The following RGS3 variants were observed in gnomAD, a reference collection of about 807,000 sequenced individuals.
RGS3 encodes the protein regulator of G-protein signalling 3.
RGS3 carries 80 observed loss-of-function variants against 132.6 expected under a neutral mutation model. The observed-to-expected ratio is 0.60, with a 90% CI of 0.50 to 0.73. The LOEUF (loss-of-function observed/expected upper bound fraction) is 0.73, where lower values mean the gene tolerates loss of function less well. RGS3 is among the 30% of genes least tolerant of loss of function. The pLI, the probability that RGS3 is intolerant of heterozygous loss-of-function variation, is 0.00. For missense variants in RGS3, 1,382 were observed against 1,530.8 expected (o/e 0.90, Z 1.62); for synonymous variants, 598 against 620.6 (o/e 0.96, Z 0.54).
At position 113,507,314 on chromosome 9, in the gene RGS3, C is replaced by G; in HGVS notation, c.1113C>G (p.Leu371=). ...GCTGCCCCAGTGAGATCATCCTACT[C>G]GTGTGGCGCATGGTCCCCCAGGTCA... The change falls in exon 13 of 25, where the codon CTC becomes CTG. Residue 371 remains leucine (L), a synonymous_variant. Transcript: ENST00000350696. The surrounding 1 kb of genome is among the most constrained non-coding windows in gnomAD (Gnocchi z 5.0). 6.2e-7 allele frequency: 1 copy of G among 1,613,300 alleles called. No individual in the cohort carries two copies. Among genetic ancestry groups the G allele is most frequent in the Middle Eastern group, 1.7e-4 (1 of 6,060 alleles).
At chr9:113,549,580 C>T (rs1360618323) in intron 19 of RGS3, among the ~76,000 whole-genome samples, 1 of 152,052 alleles carries the variant, frequency 6.6e-6, no homozygotes, top group African/African-American at 2.4e-5. Flanking sequence ...ATCCTTAATC[C>T]CAGCACCCAG....
At chr9:113,567,526 A>G (rs866445880) in intron 19 of RGS3, among the ~76,000 whole-genome samples, 1 of 152,224 alleles carries the variant, frequency 6.6e-6, no homozygotes, top group South Asian at 2.1e-4. Flanking sequence ...TGCCTGGCAT[A>G]GAGGGCCTGT....
At chr9:113,562,002 G>T (rs1206026333) in intron 19 of RGS3, among the ~76,000 whole-genome samples, 1 of 152,192 alleles carries the variant, frequency 6.6e-6, no homozygotes, top group Admixed American at 6.5e-5. Flanking sequence ...TGCCTGTGTG[G>T]TTGGGCTGTA....
chr9:113,532,787 C>G (rs188275897), intron 18 of RGS3, among the ~76,000 whole-genome samples: 36 of 152,266 alleles, frequency 2.4e-4, no homozygotes, highest in African/African-American at 6.5e-4. Context: ...GAGGCCCTCC[C>G]AGGATGGGGG....
chr9:113,497,756 T>A (rs977617525), intron 9 of RGS3, among the ~76,000 whole-genome samples: 9 of 152,188 alleles, frequency 5.9e-5, no homozygotes, highest in African/African-American at 2.2e-4. Flanking sequence ...TACCCACCTC[T>A]ACAGACAGGG....
At chr9:113,563,614 A>G (rs1833878848) in intron 19 of RGS3, among the ~76,000 whole-genome samples, 1 of 152,146 alleles carries the variant, frequency 6.6e-6, no homozygotes, top group African/African-American at 2.4e-5. Flanking sequence ...AGCCAGCAGG[A>G]TGACAGCCTT....
chr9:113,495,730 C>T (rs937937022), intron 7 of RGS3, 56 bp from the exon 6 acceptor site: 4 of 1,435,656 alleles, frequency 2.8e-6, no homozygotes, highest in Non-Finnish European at 3.9e-6. Flanking sequence ...TGATAATGGA[C>T]CTCCCGATAG....
At chr9:113,593,589 A>G (rs944135453) in intron 21 of RGS3, 4 of 319,886 alleles carry the variant, frequency 1.3e-5, no homozygotes, top group East Asian at 6.5e-5. Context: ...GTCCTGCTGT[A>G]TATTCATGAC....
chr9:113,508,531 T>G lies in RGS3; in HGVS notation c.1438-10T>G, dbSNP rs1831249664. The G allele has an allele frequency of 3.1e-6, 5 of 1,612,680 alleles. No individual in the cohort carries two copies. The East Asian group carries it at 1.1e-4, about 36-fold the overall frequency. ...GGGGCTGAGGTGGTTTTCCTGTCTT[T>G]CCCTTGCAGCTGCTCCGGCCTGTGT... is the stretch of plus-strand genomic sequence containing the variant. On this transcript the variant is annotated splice_polypyrimidine_tract_variant and intron_variant, in intron 13 of 24. Coordinates refer to ENST00000350696, the Ensembl canonical transcript of RGS3.
At chr9:113,576,771 GCAA>G (rs1834547031) in intron 19 of RGS3, among the ~76,000 whole-genome samples, 1 of 152,200 alleles carries the variant, frequency 6.6e-6, no homozygotes, top group Non-Finnish European at 1.5e-5. Flanking sequence ...GCCAGCCACA[GCAA>G]CGTTTTAAGC....
chr9:113,533,024 C>T (rs946555683), intron 18 of RGS3, among the ~76,000 whole-genome samples: 3 of 152,136 alleles, frequency 2.0e-5, no homozygotes, highest in Non-Finnish European at 2.9e-5. Context: ...TGAGACCTCC[C>T]CAGGTGTTGG....
chr9:113,521,291 T>A (rs540606453), intron 16 of RGS3, among the ~76,000 whole-genome samples: 1 of 152,306 alleles, frequency 6.6e-6, no homozygotes, highest in South Asian at 2.1e-4. Context: ...CTCAAGCCTC[T>A]GTATTTGTGC....
At chr9:113,486,350 C>T (rs992558468) in intron 7 of RGS3, among the ~76,000 whole-genome samples, 3 of 152,164 alleles carry the variant, frequency 2.0e-5, no homozygotes, top group Non-Finnish European at 4.4e-5. Context: ...GGCAAGGAGG[C>T]AGAAATACTC....
At chr9:113,535,051 T>C (rs1564537895) in intron 18 of RGS3, among the ~76,000 whole-genome samples, 1 of 152,248 alleles carries the variant, frequency 6.6e-6, no homozygotes, top group African/African-American at 2.4e-5. Flanking sequence ...TCTTTGCCCC[T>C]AACCTGAGAG....
intron 19 of RGS3, 161 bp from the exon 18 acceptor site, chr9:113,583,289 C>A (rs1834914659): frequency 7.7e-7 from 1 of 1,297,532 alleles, no homozygotes. Flanking sequence ...TGTTACCCAG[C>A]TAAGTCAAAG....
Position 113,463,997 on chromosome 9 carries a change from G to A in RGS3, c.415+1796G>A, listed in dbSNP as rs1418307563. On this transcript the variant is annotated intron_variant, in intron 3 of 24. Coordinates refer to ENST00000350696, the Ensembl canonical transcript of RGS3. The surrounding 1 kb of genome is among the most constrained non-coding windows in gnomAD (Gnocchi z 4.6). ...GGAGCAGGTGCTCTTTCTATCTAGG[G>A]GCACCTTCTCTGGCCCCTTTCTCCT... 48 of 1,073,310 alleles carry A rather than the reference G, an allele frequency of 4.5e-5. No individual in the cohort carries two copies. The South Asian group carries it at 6.7e-4, about 15-fold the overall frequency. The allele number at this position is 1,073,310 out of a possible 1,614,324, so 66.5% of individuals were successfully genotyped here. A position where few individuals can be genotyped will look rare whatever the true frequency, so the allele number is the denominator to read the frequency against.
chr9:113,570,223 G>A (rs1182902407), intron 19 of RGS3: 2 of 152,256 alleles, frequency 1.3e-5, no homozygotes, highest in Admixed American at 6.5e-5. Flanking sequence ...CCTGATAGCA[G>A]TGGGAGTGCC....
intron 19 of RGS3, among the ~76,000 whole-genome samples, chr9:113,539,413 G>A (rs1441456366): frequency 1.3e-5 from 2 of 152,188 alleles, no homozygotes; most frequent in African/African-American, 2.4e-5. Flanking sequence ...GGGTTCAAGC[G>A]ATTCTCATGG....
intron 20 of RGS3, among the ~76,000 whole-genome samples, chr9:113,587,003 G>T (rs920087290): frequency 1.3e-5 from 2 of 152,196 alleles, no homozygotes; most frequent in African/African-American, 4.8e-5. Flanking sequence ...GGTAGTACTG[G>T]CTGTGCCGCC....
Sources: gnomAD v4.1 joint callset for allele counts (sites outside exome capture counted in the v4.1 genomes callset) on GRCh38, gnomAD v4.1.1 for gene constraint, Gnocchi (gnomAD v3.1) non-coding constraint, MANE v1.5 for transcripts, NCBI Gene and HGNC (gene_info 2026-07-23, HGNC 2026-07-21) for gene names.